The following PCDH15 variants were observed in gnomAD, a reference collection of about 807,000 sequenced individuals.
PCDH15 encodes the protein protocadherin-15.
In PCDH15, 129 loss-of-function variants were observed where a neutral mutation model predicts 178.5. The ratio of observed to expected loss-of-function variants is 0.72; its 90% CI spans 0.63 to 0.84. The LOEUF is 0.84. Among genes scored for constraint, PCDH15 ranks in the 40% least tolerant of loss-of-function variants. The pLI, the probability that PCDH15 is intolerant of heterozygous loss-of-function variation, is 0.00. For synonymous variants in PCDH15, 800 were observed against 732.0 expected, an observed-to-expected ratio of 1.09 and a Z score of -1.50; for missense variants, 2,230 against 2,099.9, an observed-to-expected ratio of 1.06 and a Z score of -1.21.
chr10:54,518,892 C>G (rs1656414005), intron 3 of PCDH15, among the ~76,000 whole-genome samples: 3 of 152,158 alleles, frequency 2.0e-5, no homozygotes, highest in Admixed American at 6.6e-5. Flanking sequence ...CCCTGGGATG[C>G]AAGGCTGGTT....
intron 26 of PCDH15, among the ~76,000 whole-genome samples, chr10:53,900,433 C>A (rs149281366): frequency 1.3e-5 from 2 of 152,250 alleles, no homozygotes; most frequent in African/African-American, 2.4e-5. Flanking sequence ...ACACTGTATA[C>A]TTCATCTGAA....
chr10:55,492,227 A>AG (rs1258123330), intron 2 of PCDH15, among the ~76,000 whole-genome samples: 11 of 151,500 alleles, frequency 7.3e-5, no homozygotes, highest in Admixed American at 2.0e-4. Context: ...GCAAAAAAAA[A>AG]GAAAAAAGAA....
intron 15 of PCDH15, among the ~76,000 whole-genome samples, chr10:54,132,378 T>A (rs1393337644): frequency 6.6e-6 from 1 of 152,134 alleles, no homozygotes; most frequent in Admixed American, 6.5e-5. Context: ...TCTAAAGGAA[T>A]AAAAACCACA....
chr10:54,369,908 T>C (rs995522496), intron 4 of PCDH15, among the ~76,000 whole-genome samples: 1 of 152,028 alleles, frequency 6.6e-6, no homozygotes, highest in Non-Finnish European at 1.5e-5. Flanking sequence ...TTTTGTATAA[T>C]ACTATGAAGT....
At chr10:54,157,461 G>A (rs1051879521) in intron 13 of PCDH15, among the ~76,000 whole-genome samples, 4 of 152,136 alleles carry the variant, frequency 2.6e-5, no homozygotes, top group Admixed American at 2.0e-4. Context: ...GGAGTGGCTG[G>A]GACACAGGAC....
chr10:55,117,660 C>A (rs1837660719), intron 2 of PCDH15, among the ~76,000 whole-genome samples: 2 of 152,084 alleles, frequency 1.3e-5, no homozygotes, highest in Admixed American at 6.5e-5. Flanking sequence ...AACCTGACAC[C>A]AGAAAAGACA....
chr10:55,417,879 T>G (rs1838523178), intron 2 of PCDH15, among the ~76,000 whole-genome samples: 1 of 151,532 alleles, frequency 6.6e-6, no homozygotes, highest in African/African-American at 2.4e-5. Flanking sequence ...TTATTGTTTT[T>G]AACAAGAAAT....
chr10:53,851,371 A>ACTT (rs1194775596), intron 28 of PCDH15, among the ~76,000 whole-genome samples: 1 of 151,744 alleles, frequency 6.6e-6, no homozygotes, highest in Non-Finnish European at 1.5e-5. Flanking sequence ...GGCAGCAGGG[A>ACTT]CTTCACACTG....
intron 2 of PCDH15, among the ~76,000 whole-genome samples, chr10:55,387,273 T>C (rs76328557): frequency 0.01 from 1,577 of 152,212 alleles, 28 homozygotes; most frequent in African/African-American, 0.035. Flanking sequence ...TCGCTGATAG[T>C]TACCTGGTCC....
At position 54,456,390 on chromosome 10, in the gene PCDH15, C is replaced by T. The variant is rs540333478; in HGVS notation, c.157+71422G>A. Among the ~76,000 whole-genome samples the T allele has an allele frequency of 2.0e-5, 3 of 152,260 alleles. No individual in the cohort carries two copies. In the South Asian group the frequency reaches 6.2e-4, roughly 32 times the overall value. ...GGAACTTTAAAGTTTAATGACTGTC[C>T]TATTGGATTCTGGGCTTGAATGGGG... On this transcript the variant is annotated intron_variant, in intron 3 of 37. Coordinates refer to ENST00000644397, the MANE Select transcript of PCDH15 (RefSeq NM_001384140.1).
intron 3 of PCDH15, among the ~76,000 whole-genome samples, chr10:54,887,068 A>C (rs1019594762): frequency 6.6e-6 from 1 of 152,232 alleles, no homozygotes; most frequent in African/African-American, 2.4e-5. Flanking sequence ...GATGGGACAG[A>C]GCTCAACCAA....
chr10:53,821,651 G>C, intron 32 of PCDH15: 1 of 1,335,616 alleles, frequency 7.5e-7, no homozygotes, highest in African/African-American at 1.5e-5. Context: ...CTACTTTGTA[G>C]TTTTTAAAAA....
At chr10:54,165,358 T>G (rs186404706) in intron 13 of PCDH15, among the ~76,000 whole-genome samples, 1 of 152,192 alleles carries the variant, frequency 6.6e-6, no homozygotes, top group Non-Finnish European at 1.5e-5. Context: ...CATTAAATAC[T>G]TATATGAATA....
At chr10:54,914,397 T>C (rs1733989285) in intron 2 of PCDH15, among the ~76,000 whole-genome samples, 1 of 152,152 alleles carries the variant, frequency 6.6e-6, no homozygotes. Flanking sequence ...AGTTTTGCAA[T>C]GATGGGCCAG....
intron 2 of PCDH15, among the ~76,000 whole-genome samples, chr10:55,076,820 A>AGT (rs1841901414): frequency 8.3e-6 from 1 of 120,438 alleles, no homozygotes; most frequent in South Asian, 2.7e-4. Context: ...CCCAGGCTGG[A>AGT]GTGCAATGGG....
chr10:53,827,473 A>G lies in PCDH15; in HGVS notation c.4287T>C (p.Pro1429=). The G allele has an allele frequency of 1.2e-6, 2 of 1,614,060 alleles. No homozygotes were observed. The highest frequency in any genetic ancestry group is 1.7e-6 in the Non-Finnish European group (2 of 1,179,916). ...GCGGCGGGGGCGCTGCCACTGGTGC[A>G]GGAGCCGGCACTGCTGGTTTAGCCG... ...LPAAKPAVPA[P]APVAAPPPPP... The change falls in exon 32 of 38, where the codon CCT becomes CCC. Residue 1429 remains proline (P), a synonymous_variant. Coordinates refer to ENST00000644397, the MANE Select transcript of PCDH15 (RefSeq NM_001384140.1).
At chr10:54,521,176 A>G (rs1036103638) in intron 3 of PCDH15, among the ~76,000 whole-genome samples, 11 of 152,102 alleles carry the variant, frequency 7.2e-5, no homozygotes, top group Admixed American at 6.5e-4. Context: ...ACAAACCTGC[A>G]CATTGTGCAC....
In PCDH15 at chr10:54,636,300, T is replaced by C. The variant is rs535276710; in HGVS notation, c.91+27872A>G. On this transcript the variant is annotated intron_variant, in intron 2 of 37. Coordinates refer to ENST00000644397, the MANE Select transcript of PCDH15 (RefSeq NM_001384140.1). ...TTGCTTAAACCAAGAATTAGAGTAT[T>C]ACCAACTATATTCATCTGCATGTCT... Among the ~76,000 whole-genome samples the C allele has an allele frequency of 2.0e-5, 3 of 151,972 alleles. No individual in the cohort carries two copies. The South Asian group carries it at 6.2e-4, about 32-fold the overall frequency.
At chr10:53,906,431 AT>A (rs1310083644) in intron 25 of PCDH15, among the ~76,000 whole-genome samples, 3 of 152,160 alleles carry the variant, frequency 2.0e-5, no homozygotes, top group Admixed American at 2.0e-4. Context: ...ATTCTTAAAG[AT>A]GGAAATTGTA....
Sources: gnomAD v4.1 joint callset for allele counts (sites outside exome capture counted in the v4.1 genomes callset) on GRCh38, gnomAD v4.1.1 for gene constraint, MANE v1.5 for transcripts, NCBI Gene and HGNC (gene_info 2026-07-23, HGNC 2026-07-21) for gene names.